XIRP2: variants seen among roughly 807,000 people sequenced by gnomAD.
The protein encoded by XIRP2 is xin actin-binding repeat-containing protein 2.
Under a neutral mutation model 277.0 loss-of-function variants are expected in XIRP2, and 236 were observed. The ratio of observed to expected loss-of-function variants is 0.85; its 90% CI spans 0.77 to 0.95. XIRP2 has a LOEUF of 0.95. XIRP2 is among the 40% of genes least tolerant of loss of function. The pLI is 0.00. For missense variants in XIRP2, 4,640 were observed against 4,157.5 expected (o/e 1.12, Z -3.19); for synonymous variants, 1,490 against 1,416.5 (o/e 1.05, Z -1.17).
intron 2 of XIRP2, among the ~76,000 whole-genome samples, chr2:166,956,206 G>A (rs1192378570): frequency 6.6e-6 from 1 of 151,808 alleles, no homozygotes; most frequent in African/African-American, 2.4e-5. Context: ...ATCAATCACT[G>A]ACAGATTTTG....
rs141501737 is a variant in XIRP2 at position 167,187,670 on chromosome 2, A to G, written c.563-23065A>G. The G allele has an allele frequency of 2.7e-4, 149 of 553,944 alleles. 3 individuals carry two copies. The East Asian group carries it at 0.014, about 53-fold the overall frequency. 34.3% of individuals were successfully genotyped at this position (553,944 alleles called of 1,614,324 possible). A position where few individuals can be genotyped will look rare whatever the true frequency, so the allele number is the denominator to read the frequency against. ...AAATATCCAGTTGGATTTTGCTTCTATGATAATATTTAGCATTGATTTAAT... is the reference window on the plus strand; with the variant it reads ...AAATATCCAGTTGGATTTTGCTTCTGTGATAATATTTAGCATTGATTTAAT... On this transcript the variant is annotated intron_variant, in intron 3 of 10. Transcript: ENST00000409195.
At chr2:167,240,032 G>GT in intron 6 of XIRP2, 67 bp downstream of exon 6, 1 of 1,359,320 alleles carries the variant, frequency 7.4e-7, no homozygotes, top group Non-Finnish European at 9.9e-7. Context: ...TGACTTTGTT[G>GT]TAAGCATTTG....
intron 5 of XIRP2, among the ~76,000 whole-genome samples, chr2:167,220,766 T>G (rs1694401204): frequency 6.6e-6 from 1 of 152,236 alleles, no homozygotes; most frequent in Middle Eastern, 3.2e-3. Flanking sequence ...GTACCTTGTT[T>G]CCCTAAATGG....
chr2:166,936,272 T>A (rs940798780), intron 2 of XIRP2, among the ~76,000 whole-genome samples: 4 of 152,220 alleles, frequency 2.6e-5, no homozygotes, highest in African/African-American at 9.6e-5. Context: ...TGTTTTTTTC[T>A]TGTAAATTTG....
chr2:167,242,483 A>G (rs1157660479), intron 8 of XIRP2, 86 bp from the exon 9 acceptor site: 2 of 1,389,716 alleles, frequency 1.4e-6, no homozygotes, highest in Non-Finnish European at 2.0e-6. Context: ...AGGAGGGTCC[A>G]GGTTACAGAC....
intron 2 of XIRP2, among the ~76,000 whole-genome samples, chr2:166,982,328 A>T (rs539279409): frequency 0.012 from 853 of 69,374 alleles, no homozygotes; most frequent in Middle Eastern, 0.064. Context: ...TTTTTTTTTT[A>T]AAAAAAAAAC....
intron 3 of XIRP2, among the ~76,000 whole-genome samples, chr2:167,189,226 T>C (rs1460952257): frequency 6.6e-6 from 1 of 152,188 alleles, no homozygotes; most frequent in Non-Finnish European, 1.5e-5. Context: ...TGGGAACCGA[T>C]ATATTTCTGT....
intron 2 of XIRP2, among the ~76,000 whole-genome samples, chr2:166,956,484 G>C (rs1686163189): frequency 6.6e-6 from 1 of 151,824 alleles, no homozygotes; most frequent in African/African-American, 2.4e-5. Flanking sequence ...ATGCATATGA[G>C]TATTTTGTGG....
At chr2:166,935,625 ATTC>A (rs1268862919) in intron 2 of XIRP2, among the ~76,000 whole-genome samples, 1 of 152,052 alleles carries the variant, frequency 6.6e-6, no homozygotes, top group Admixed American at 6.5e-5. Context: ...ATGTGTTCTC[ATTC>A]TTCAATTCCC....
At chr2:167,240,026 T>G in intron 6 of XIRP2, 61 bp downstream of exon 6, 1 of 1,424,954 alleles carries the variant, frequency 7.0e-7, no homozygotes, top group Non-Finnish European at 9.4e-7. Context: ...AAATTATGAC[T>G]TTGTTGTAAG....
At chr2:166,947,433 G>A (rs1254233174) in intron 2 of XIRP2, among the ~76,000 whole-genome samples, 1 of 152,142 alleles carries the variant, frequency 6.6e-6, no homozygotes, top group Non-Finnish European at 1.5e-5. Context: ...GAATATGGCA[G>A]TTCTACTTCC....
intron 5 of XIRP2, among the ~76,000 whole-genome samples, chr2:167,233,284 A>C (rs1270462990): frequency 6.6e-6 from 1 of 151,974 alleles, no homozygotes; most frequent in Non-Finnish European, 1.5e-5. Context: ...CCAGATAATA[A>C]ATAAAATTTT....
At chr2:167,008,435 A>T (rs773564425) in intron 2 of XIRP2, among the ~76,000 whole-genome samples, 1 of 151,606 alleles carries the variant, frequency 6.6e-6, no homozygotes, top group Non-Finnish European at 1.5e-5. Context: ...TTATGAAGCC[A>T]TAAAATTCTG....
intron 3 of XIRP2, among the ~76,000 whole-genome samples, chr2:167,148,683 T>C (rs964265527): frequency 1.3e-5 from 2 of 152,000 alleles, no homozygotes; most frequent in African/African-American, 4.8e-5. Flanking sequence ...GTTAGGCATA[T>C]ACAACACAAA....
In XIRP2 at chr2:167,247,109, C is replaced by T; in HGVS notation, c.5717C>T (p.Thr1906Ile). Residue 1906 changes from threonine (T) to isoleucine (I), a missense_variant, in exon 9 of 11, where the codon ACA becomes ATA. Transcript: ENST00000409195. The part of the protein sequence containing the change: ...EKAIECLEKA[T>I]NTKTEILKKE... ...GCTATTGAATGCCTTGAAAAAGCTA[C>T]AAATACAAAGACAGAAATTCTGAAA... is the stretch of plus-strand genomic sequence containing the variant. 6.2e-7 allele frequency: 1 copy of T among 1,613,194 alleles called. No homozygotes were observed. The highest frequency in any genetic ancestry group is 8.5e-7 in the Non-Finnish European group (1 of 1,179,660).
chr2:166,934,099 T>C (rs150595602), intron 2 of XIRP2, among the ~76,000 whole-genome samples: 98 of 151,804 alleles, frequency 6.5e-4, no homozygotes, highest in Non-Finnish European at 1.2e-3. Context: ...TGGGGCCTTC[T>C]TCTAACCAAT....
intron 2 of XIRP2, among the ~76,000 whole-genome samples, chr2:166,969,670 T>C (rs1686525433): frequency 6.6e-6 from 1 of 151,968 alleles, no homozygotes; most frequent in Non-Finnish European, 1.5e-5. Context: ...TGCTTGCTTT[T>C]TAGAGGATCT....
At chr2:167,170,280 T>C (rs2105348297) in intron 3 of XIRP2, among the ~76,000 whole-genome samples, 1 of 152,252 alleles carries the variant, frequency 6.6e-6, no homozygotes, top group East Asian at 1.9e-4. Context: ...TTTAATTCCC[T>C]TGCCTGATGT....
intron 2 of XIRP2, among the ~76,000 whole-genome samples, chr2:167,083,753 G>T (rs1329153204): frequency 6.6e-6 from 1 of 152,090 alleles, no homozygotes; most frequent in Admixed American, 6.6e-5. Flanking sequence ...TCTGTTGTTG[G>T]TGTATAAGAA....
Sources: gnomAD v4.1 joint callset for allele counts (sites outside exome capture counted in the v4.1 genomes callset) on GRCh38, gnomAD v4.1.1 for gene constraint, MANE v1.5 for transcripts, NCBI Gene and HGNC (gene_info 2026-07-23, HGNC 2026-07-21) for gene names.